Variants in POLQ observed in about 807,000 individuals in gnomAD.
The protein encoded by POLQ is DNA polymerase theta, also known as epididymis secretory sperm binding protein.
A neutral mutation model predicts 259.2 loss-of-function variants in POLQ; 233 were observed. The observed-to-expected ratio is 0.90, with a 90% CI of 0.81 to 1.00. POLQ has a LOEUF of 1.00. Ranked by LOEUF, POLQ falls within the 50% of genes least tolerant of loss-of-function variation. The pLI, the probability that POLQ is intolerant of heterozygous loss-of-function variation, is 0.00. For missense variants in POLQ, 2,871 were observed against 3,051.6 expected, an observed-to-expected ratio of 0.94 and a Z score of 1.39; for synonymous variants, 1,025 against 1,048.8, an observed-to-expected ratio of 0.98 and a Z score of 0.44.
At chr3:121,533,542 G>A (rs2108818473) in intron 5 of POLQ, among the ~76,000 whole-genome samples, 1 of 152,022 alleles carries the variant, frequency 6.6e-6, no homozygotes, top group Non-Finnish European at 1.5e-5. Context: ...TTTAGACAGG[G>A]TCTTGCTCTG....
intron 11 of POLQ, 89 bp downstream of exon 11, chr3:121,509,950 T>A: frequency 2.7e-6 from 3 of 1,111,602 alleles, no homozygotes; most frequent in Non-Finnish European, 4.0e-6. Flanking sequence ...TTATACTACA[T>A]GAAAAGACAA....
At position 121,449,372 on chromosome 3, in the gene POLQ, C is replaced by G; in HGVS notation, c.7207G>C (p.Gly2403Arg). ...CATGCAGCATCATTTTCTTTAATGC[C>G]CATCTGCTCTCCCAAAGATTTAGCT... The part of the protein sequence containing the change: ...MGAKSLGEQM[G>R]IKENDAACYI... The change falls in exon 26 of 30, where the codon GGC (glycine) becomes CGC (arginine). Residue 2403 changes from glycine (G) to arginine (R), a missense_variant. By Grantham distance (125) the Gly-to-Arg change is moderately radical. Around this residue, in one of 3 missense-constraint regions of POLQ, gnomAD observed 2,080 missense variants for 2,126.0 expected, o/e 0.98. Transcript: ENST00000264233. 6.2e-7 allele frequency: 1 copy of G among 1,608,286 alleles called. No homozygotes were observed. Among genetic ancestry groups the G allele is most frequent in the East Asian group, 2.2e-5 (1 of 44,776 alleles).
Position 121,488,025 on chromosome 3 carries a change from A to C in POLQ, c.4906T>G (p.Phe1636Val). Residue 1636 changes from phenylalanine to valine, a missense_variant, in exon 16 of 30, where the codon TTT (phenylalanine) becomes GTT (valine). Around this residue, in one of 3 missense-constraint regions of POLQ, gnomAD observed 2,080 missense variants for 2,126.0 expected, o/e 0.98. Transcript: ENST00000264233. ...CTTTGCAGTCCTGGACTTAGATCAAATGATGCCCCTGACCATATGAATGAA... is the reference window on the plus strand; with the variant it reads ...CTTTGCAGTCCTGGACTTAGATCAACTGATGCCCCTGACCATATGAATGAA... ...NHSFIWSGAS[F>V]DLSPGLQRIL... The C allele has an allele frequency of 6.2e-7, 1 of 1,613,936 alleles. No homozygotes were observed. Among genetic ancestry groups the C allele is most frequent in the African/African-American group, 1.3e-5 (1 of 75,050 alleles).
chr3:121,503,195 C>T (rs868644540), intron 12 of POLQ, among the ~76,000 whole-genome samples: 2 of 152,332 alleles, frequency 1.3e-5, no homozygotes, highest in Middle Eastern at 3.4e-3. Context: ...CAACTGCCTA[C>T]AGTACTCAGT....
chr3:121,458,251 G>A (rs1347312020), intron 25 of POLQ, among the ~76,000 whole-genome samples: 1 of 152,028 alleles, frequency 6.6e-6, no homozygotes, highest in Non-Finnish European at 1.5e-5. Context: ...GGGGGAATGG[G>A]GGAGGGATAG....
intron 25 of POLQ, among the ~76,000 whole-genome samples, chr3:121,452,986 C>A (rs1231814748): frequency 6.6e-6 from 1 of 152,050 alleles, no homozygotes; most frequent in Non-Finnish European, 1.5e-5. Context: ...TGGGAGGCAC[C>A]CCCCAGTAGG....
At chr3:121,542,364 TG>T (rs1233355717) in intron 2 of POLQ, among the ~76,000 whole-genome samples, 3 of 151,874 alleles carry the variant, frequency 2.0e-5, no homozygotes, top group Admixed American at 6.6e-5. Flanking sequence ...CACTCTAGCA[TG>T]GGTGATACAG....
At chr3:121,474,584 C>G (rs141463610) in intron 20 of POLQ, among the ~76,000 whole-genome samples, 1 of 152,248 alleles carries the variant, frequency 6.6e-6, no homozygotes, top group Non-Finnish European at 1.5e-5. Flanking sequence ...ATTTTTCCCA[C>G]AAGTTGAGCC....
intron 2 of POLQ, among the ~76,000 whole-genome samples, chr3:121,541,706 A>G (rs2048491308): frequency 6.6e-6 from 1 of 152,230 alleles, no homozygotes; most frequent in Admixed American, 6.5e-5. Flanking sequence ...TATCAGCAAT[A>G]TGATGAATAC....
At chr3:121,476,945 T>C (rs1576410499) in intron 19 of POLQ, among the ~76,000 whole-genome samples, 2 of 152,218 alleles carry the variant, frequency 1.3e-5, no homozygotes, top group Non-Finnish European at 2.9e-5. Flanking sequence ...TCCTTGTCTC[T>C]GCAGAGAGTA....
At position 121,490,357 on chromosome 3, in the gene POLQ, A is replaced by G. The variant is rs761981269; in HGVS notation, c.2574T>C (p.Asn858=). The stretch of plus-strand genomic sequence containing the variant: ...TGCCAGTCACCCAGATAGTTCGCAT[A>G]TTGCGACGTTCTTCAACTGCTTCCT... The part of the protein sequence containing the change: ...EEEEAVEERR[N]MRTIWVTGRK... Residue 858 remains asparagine (N), a synonymous_variant, in exon 16 of 30, where the codon AAT becomes AAC. Coordinates refer to ENST00000264233, the MANE Select transcript of POLQ (RefSeq NM_199420.4). 1.4e-5 allele frequency: 22 copies of G among 1,614,092 alleles called. No individual in the cohort carries two copies. The highest frequency in any genetic ancestry group is 1.8e-5 in the Non-Finnish European group (21 of 1,180,034).
chr3:121,486,479 G>A (rs1300290232), intron 16 of POLQ, among the ~76,000 whole-genome samples: 4 of 150,654 alleles, frequency 2.7e-5, no homozygotes, highest in Non-Finnish European at 4.4e-5. Context: ...GCTTGAACCC[G>A]AGAGGCAGAG....
At chr3:121,484,264 A>G (rs967075825) in intron 17 of POLQ, among the ~76,000 whole-genome samples, 1 of 152,240 alleles carries the variant, frequency 6.6e-6, no homozygotes, top group Admixed American at 6.5e-5. Flanking sequence ...CCACATTCAG[A>G]TCACAGGGTA....
intron 1 of POLQ, among the ~76,000 whole-genome samples, chr3:121,545,313 C>T (rs2048523788): frequency 6.6e-6 from 1 of 152,176 alleles, no homozygotes; most frequent in East Asian, 1.9e-4. Flanking sequence ...GGACACCCAA[C>T]CAATCTCATT....
chr3:121,472,156 T>G lies in POLQ; in HGVS notation c.6552A>C (p.Leu2184Phe). 6.9e-7 allele frequency: 1 copy of G among 1,439,140 alleles called. No homozygotes were observed. Among genetic ancestry groups the G allele is most frequent in the East Asian group, 2.4e-5 (1 of 41,624 alleles). The allele number at this position is 1,439,140 out of a possible 1,614,324, so 89.1% of individuals were successfully genotyped here. ...GRQFSTSKDVLNKLKALHPLP... is the reference protein window; with the variant it reads ...GRQFSTSKDVFNKLKALHPLP... ...AAGGATGTAATGCCTTTAATTTATTTAAAACGTCCTGCCAAAAAAATATAA... is the reference window on the plus strand; with the variant it reads ...AAGGATGTAATGCCTTTAATTTATTGAAAACGTCCTGCCAAAAAAATATAA... The change falls in exon 22 of 30, where the codon TTA (leucine) becomes TTC (phenylalanine). Residue 2184 changes from leucine to phenylalanine, a missense_variant. Physicochemically the swap from Leu to Phe is conservative, Grantham distance 22. This residue lies in a region of POLQ where 2,080 missense variants were observed against 2,126.0 expected (regional missense o/e 0.98). Transcript: ENST00000264233.
intron 24 of POLQ, among the ~76,000 whole-genome samples, 163 bp from the exon 25 acceptor site, chr3:121,460,397 T>G (rs2047782496): frequency 6.6e-6 from 1 of 152,212 alleles, no homozygotes; most frequent in Non-Finnish European, 1.5e-5. Context: ...ATGATGGAAT[T>G]CAGCTCTGTA....
In POLQ at chr3:121,489,388, A is replaced by G; in HGVS notation, c.3543T>C (p.Asn1181=). The G allele has an allele frequency of 6.2e-7, 1 of 1,613,636 alleles. No homozygotes were observed. Among genetic ancestry groups the G allele is most frequent in the Non-Finnish European group, 8.5e-7 (1 of 1,179,898 alleles). The stretch of plus-strand genomic sequence containing the variant: ...GGATGTCATGGTGTTTCATATAAAC[A>G]TTCTGGTTTTTTGAACCATTTTGTA... ...VLIQNGSKNQ[N]VYMKHHDIHP... is the part of the protein sequence containing the mutation. The change falls in exon 16 of 30, where the codon AAT becomes AAC. Residue 1181 remains asparagine (N), a synonymous_variant. Coordinates refer to ENST00000264233, the MANE Select transcript of POLQ (RefSeq NM_199420.4).
chr3:121,444,757 T>C (rs1288483596), intron 26 of POLQ, among the ~76,000 whole-genome samples: 2 of 152,188 alleles, frequency 1.3e-5, no homozygotes, highest in South Asian at 2.1e-4. Context: ...CCACAGCTTT[T>C]ATTATGTAGA....
chr3:121,521,214 T>C (rs2048333625), intron 8 of POLQ, among the ~76,000 whole-genome samples: 1 of 152,162 alleles, frequency 6.6e-6, no homozygotes, highest in Admixed American at 6.6e-5. Flanking sequence ...ACCCAGGACA[T>C]GAATTATCCC....
Sources: gnomAD v4.1 joint callset for allele counts (sites outside exome capture counted in the v4.1 genomes callset) on GRCh38, gnomAD v4.1.1 for gene constraint, gnomAD v4.1.1 regional missense constraint, MANE v1.5 for transcripts, NCBI Gene and HGNC (gene_info 2026-07-23, HGNC 2026-07-21) for gene names.